ZNF8: variants seen among roughly 807,000 people sequenced by gnomAD.
The protein encoded by ZNF8 is zinc finger protein 272.
In ZNF8, 9 loss-of-function variants were observed where a neutral mutation model predicts 12.2. The observed-to-expected ratio is 0.73, with a 90% CI of 0.44 to 1.28. The LOEUF is 1.28. ZNF8 is among the 50% of genes most tolerant of loss of function. The pLI is 0.00. For synonymous variants in ZNF8, 274 were observed against 282.3 expected (o/e 0.97, Z 0.30); for missense variants, 664 against 729.1 (o/e 0.91, Z 1.03).
Position 58,294,073 on chromosome 19 carries a change from C to G in ZNF8, c.290-25C>G. 2 of 1,575,980 alleles carry G rather than the reference C, an allele frequency of 1.3e-6. No individual in the cohort carries two copies. Among genetic ancestry groups the G allele is most frequent in the Non-Finnish European group, 1.7e-6 (2 of 1,157,810 alleles). ...CTTCCGTTTTTTTCTCCCAACAGCTCAGAGATCTTTGGGTTTTCTTTCAGC... is the reference window on the plus strand; with the variant it reads ...CTTCCGTTTTTTTCTCCCAACAGCTGAGAGATCTTTGGGTTTTCTTTCAGC... On this transcript the variant is annotated intron_variant, in intron 3 of 3. Coordinates refer to ENST00000621650, the MANE Select transcript of ZNF8 (RefSeq NM_021089.3). This position sits in a 1 kb window ranked among gnomAD's most constrained non-coding sequence, Gnocchi z 5.5.
intron 3 of ZNF8, among the ~76,000 whole-genome samples, chr19:58,292,519 A>G (rs947426648): frequency 1.3e-5 from 2 of 152,184 alleles, no homozygotes; most frequent in African/African-American, 4.8e-5. Flanking sequence ...TACCCTCACA[A>G]TGGGGATTAG....
At chr19:58,285,982 C>G in intron 2 of ZNF8, 128 bp from the exon 3 acceptor site, 1 of 1,393,864 alleles carries the variant, frequency 7.2e-7, no homozygotes, top group Non-Finnish European at 9.9e-7. Context: ...TTTTCCATCA[C>G]CATGCAGAGC....
In ZNF8 at chr19:58,295,493, C is replaced by T; in HGVS notation, c.1685C>T (p.Ser562Phe). 1.9e-6 allele frequency: 3 copies of T among 1,609,008 alleles called. No homozygotes were observed. The highest frequency in any genetic ancestry group is 1.3e-5 in the African/African-American group (1 of 74,838). Residue 562 changes from serine (S) to phenylalanine (F), a missense_variant, in exon 4 of 4, where the codon TCT becomes TTT. Physicochemically the swap from Ser to Phe is radical, Grantham distance 155. Around this residue, in one of 3 missense-constraint regions of ZNF8, gnomAD observed 225 missense variants for 222.0 expected, o/e 1.01. Transcript: ENST00000621650. Reference protein sequence around the residue: ...PVHVIGVEEPSVGASMLFDIR... With the variant: ...PVHVIGVEEPFVGASMLFDIR... ...CACGTTATTGGGGTGGAAGAGCCTT[C>T]TGTGGGTGCTTCCATGTTATTTGAC...
chr19:58,289,298 C>A (rs1417294286), intron 3 of ZNF8, among the ~76,000 whole-genome samples: 1 of 152,086 alleles, frequency 6.6e-6, no homozygotes, highest in African/African-American at 2.4e-5. Flanking sequence ...GAGTTCGAGA[C>A]TAGCCTGGCC....
Position 58,300,524 on chromosome 19 carries a change from A to G in ZNF8, c.*4988A>G, listed in dbSNP as rs2147964623. The G allele has an allele frequency of 6.6e-6, 1 of 152,174 alleles. No individual in the cohort carries two copies. Among genetic ancestry groups the G allele is most frequent in the East Asian group, 1.9e-4 (1 of 5,204 alleles). 9.4% of individuals were successfully genotyped at this position (152,174 alleles called of 1,614,324 possible). ...GGTCAGGGGGCCACCCCTAATAACAACGGGGCTTAGAAACCTCGTATTTAC... is the reference window on the plus strand; with the variant it reads ...GGTCAGGGGGCCACCCCTAATAACAGCGGGGCTTAGAAACCTCGTATTTAC... On this transcript the variant is annotated 3_prime_UTR_variant, in exon 4 of 4. Coordinates refer to ENST00000621650, the MANE Select transcript of ZNF8 (RefSeq NM_021089.3).
chr19:58,290,377 G>A (rs917695074), intron 3 of ZNF8, among the ~76,000 whole-genome samples: 6 of 152,022 alleles, frequency 3.9e-5, no homozygotes, highest in African/African-American at 1.4e-4. Flanking sequence ...GCCTCCCAAA[G>A]TGCTGGGATT....
intron 3 of ZNF8, among the ~76,000 whole-genome samples, chr19:58,287,337 C>CTTTTTTTTTTT (rs35511685): frequency 2.5e-5 from 3 of 117,806 alleles, no homozygotes; most frequent in African/African-American, 6.5e-5. Flanking sequence ...CCATGCCCAG[C>CTTTTTTTTTTT]TTTTTTTTTT....
At chr19:58,285,997 C>T (rs2051380762) in intron 2 of ZNF8, 113 bp from the exon 3 acceptor site, 2 of 1,413,418 alleles carry the variant, frequency 1.4e-6, no homozygotes, top group Non-Finnish European at 2.0e-6. Context: ...CAGAGCTTCA[C>T]CATGTTGTGA....
rs1169895448 is a variant in ZNF8, at chr19:58,301,430, G to A, written c.*5894G>A. The A allele has an allele frequency of 6.6e-6, 1 of 152,284 alleles. No individual in the cohort carries two copies. The highest frequency in any genetic ancestry group is 2.4e-5 in the African/African-American group (1 of 41,466). The allele number at this position is 152,284 out of a possible 1,614,324, so 9.4% of individuals were successfully genotyped here. On this transcript the variant is annotated 3_prime_UTR_variant, in exon 4 of 4. Coordinates refer to ENST00000621650, the MANE Select transcript of ZNF8 (RefSeq NM_021089.3). ...TGCTACCAAGTGGCCCAGCCAGAGT[G>A]TGAACCAAACAGTCTGGTACCAAAA...
In ZNF8 at chr19:58,295,779, T is replaced by C; in HGVS notation, c.*243T>C. On this transcript the variant is annotated 3_prime_UTR_variant, in exon 4 of 4. Transcript: ENST00000621650. The stretch of plus-strand genomic sequence containing the variant: ...CACCACAGTGAGTTCACAGGTAATA[T>C]AACCTACCCACCTGTGTAATGTCAA... 2.1e-6 allele frequency: 1 copy of C among 483,912 alleles called. No homozygotes were observed. Among genetic ancestry groups the C allele is most frequent in the East Asian group, 3.4e-5 (1 of 29,748 alleles). 30.0% of individuals were successfully genotyped at this position (483,912 alleles called of 1,614,324 possible).
chr19:58,279,616 C>A, intron 1 of ZNF8: 19 of 1,534,132 alleles, frequency 1.2e-5, no homozygotes, highest in Non-Finnish European at 1.6e-5. Context: ...GGAGCCCCTG[C>A]CCTGGGGCTT....
In ZNF8 at chr19:58,285,806, C is replaced by A; in HGVS notation, c.156C>A (p.Asp52Glu). Residue 52 changes from aspartate to glutamate, a missense_variant, in exon 2 of 4, where the codon GAC becomes GAA. Around this residue, in one of 3 missense-constraint regions of ZNF8, gnomAD observed 306 missense variants for 308.7 expected, o/e 0.99. Transcript: ENST00000621650. ...CTACCCAGAGGATCCTCTACCGTGA[C>A]GTGATGCTGGAGACCTTTGGTCACC... ...LDPTQRILYR[D>E]VMLETFGHLL... 6.2e-7 allele frequency: 1 copy of A among 1,613,812 alleles called. No individual in the cohort carries two copies.
intron 2 of ZNF8, 118 bp downstream of exon 2, chr19:58,285,961 G>C: frequency 6.8e-7 from 1 of 1,461,578 alleles, no homozygotes; most frequent in Non-Finnish European, 9.3e-7. Context: ...CATGAAGAGG[G>C]AGGTCTGCCC....
chr19:58,291,768 G>T (rs977680544), intron 3 of ZNF8, among the ~76,000 whole-genome samples: 11 of 152,192 alleles, frequency 7.2e-5, no homozygotes, highest in Non-Finnish European at 1.3e-4. Context: ...CTGGCAGGGA[G>T]GCCTCTCTGA....
intron 3 of ZNF8, among the ~76,000 whole-genome samples, chr19:58,288,308 T>C (rs769432424): frequency 6.6e-5 from 10 of 152,224 alleles, no homozygotes; most frequent in Non-Finnish European, 1.5e-4. Flanking sequence ...GCCCTGAGTC[T>C]GCTGGTACTG....
At chr19:58,284,515 C>T (rs976244384) in intron 1 of ZNF8, among the ~76,000 whole-genome samples, 1 of 152,224 alleles carries the variant, frequency 6.6e-6, no homozygotes, top group African/African-American at 2.4e-5. Flanking sequence ...TTATGGGACA[C>T]ATTTTAGGTA....
At chr19:58,292,707 G>A (rs1420157349) in intron 3 of ZNF8, among the ~76,000 whole-genome samples, 2 of 152,132 alleles carry the variant, frequency 1.3e-5, no homozygotes, top group Non-Finnish European at 2.9e-5. Flanking sequence ...CTTTCACTCA[G>A]CAGAATGTTT....
At chr19:58,279,791 T>TG (rs1911614892) in intron 1 of ZNF8, 2 of 1,459,692 alleles carry the variant, frequency 1.4e-6, no homozygotes, top group Non-Finnish European at 1.8e-6. Context: ...ACAAAGTGGT[T>TG]GCGGCCTGTG....
rs2051386956 is a variant in ZNF8, at chr19:58,286,962, CCT to C, written c.289+758_289+759del. The stretch of plus-strand genomic sequence containing the variant: ...TCTCTCACCATCCTTCTCAGCATGT[CCT>C]TTCTGTGGCATCATTTCTAATATGT... On this transcript the variant is annotated intron_variant, in intron 3 of 3. Transcript: ENST00000621650. Among the ~76,000 whole-genome samples, 3 of 152,132 alleles carry C rather than the reference CCT, an allele frequency of 2.0e-5. No individual in the cohort carries two copies. In the South Asian group the frequency reaches 6.2e-4, roughly 32 times the overall value.
Sources: gnomAD v4.1 joint callset for allele counts (sites outside exome capture counted in the v4.1 genomes callset) on GRCh38, gnomAD v4.1.1 for gene constraint, gnomAD v4.1.1 regional missense constraint, Gnocchi (gnomAD v3.1) non-coding constraint, MANE v1.5 for transcripts, NCBI Gene and HGNC (gene_info 2026-07-23, HGNC 2026-07-21) for gene names.